SHOC2: variants seen among roughly 807,000 people sequenced by gnomAD.
SHOC2 encodes the protein leucine-rich repeat protein SHOC-2.
Under a neutral mutation model 50.2 loss-of-function variants are expected in SHOC2, and 4 were observed. The observed-to-expected ratio is 0.08, with a 90% CI of 0.04 to 0.18. SHOC2 has a LOEUF of 0.18. Ranked by LOEUF, SHOC2 falls within the 10% of genes least tolerant of loss-of-function variation. The probability of loss-of-function intolerance (pLI) is 1.00; values close to 1 mark genes in which losing one functional copy is unlikely to be tolerated. For missense variants in SHOC2, 388 were observed against 669.6 expected, an observed-to-expected ratio of 0.58 and a Z score of 4.64; for synonymous variants, 218 against 244.5, an observed-to-expected ratio of 0.89 and a Z score of 1.01.
At position 110,996,829 on chromosome 10, in the gene SHOC2, T is replaced by C. The variant is rs570923700; in HGVS notation, c.842-3586T>C. On this transcript the variant is annotated intron_variant, in intron 3 of 8. Transcript: ENST00000369452. ...AGAGTTCTGACAGTGGATAACTCAC[T>C]AAGTGTAAAAATGGACACAGACATG... is the stretch of plus-strand genomic sequence containing the variant. Among the ~76,000 whole-genome samples the C allele has an allele frequency of 3.3e-5, 5 of 152,274 alleles. No individual in the cohort carries two copies. In the South Asian group the frequency reaches 1.0e-3, roughly 32 times the overall value.
intron 5 of SHOC2, among the ~76,000 whole-genome samples, chr10:111,006,244 TAAC>T (rs1848464085): frequency 1.3e-5 from 2 of 152,260 alleles, no homozygotes; most frequent in Non-Finnish European, 2.9e-5. Context: ...ATTACATAGA[TAAC>T]AAGTTTAAAT....
chr10:110,936,604 T>TTTA, intron 1 of SHOC2: 1 of 761,842 alleles, frequency 1.3e-6, no homozygotes, highest in East Asian at 2.8e-5. Context: ...TTTTTTTTTT[T>TTTA]AACAGTCTTT....
chr10:110,933,817 AAAAC>A (rs1303492223), intron 1 of SHOC2, among the ~76,000 whole-genome samples: 4 of 152,202 alleles, frequency 2.6e-5, no homozygotes, highest in African/African-American at 4.8e-5. Flanking sequence ...CTGTCTCTAA[AAAAC>A]AAACAAAAGA....
At chr10:111,005,837 C>T (rs917957595) in intron 5 of SHOC2, among the ~76,000 whole-genome samples, 1 of 152,168 alleles carries the variant, frequency 6.6e-6, no homozygotes, top group Non-Finnish European at 1.5e-5. Context: ...CATGATGAAC[C>T]ATTTGAACAT....
At chr10:110,948,923 A>C (rs527396854) in intron 1 of SHOC2, among the ~76,000 whole-genome samples, 1 of 152,252 alleles carries the variant, frequency 6.6e-6, no homozygotes, top group African/African-American at 2.4e-5. Flanking sequence ...TTAAAACATT[A>C]TGAGAGATTT....
intron 1 of SHOC2, among the ~76,000 whole-genome samples, chr10:110,944,144 A>G (rs1454321640): frequency 1.3e-5 from 2 of 152,200 alleles, no homozygotes; most frequent in Non-Finnish European, 2.9e-5. Context: ...GAAATGTGAC[A>G]TGTTACAAAG....
At chr10:110,966,451 T>C (rs947613046) in intron 2 of SHOC2, among the ~76,000 whole-genome samples, 2 of 152,052 alleles carry the variant, frequency 1.3e-5, no homozygotes, top group African/African-American at 4.8e-5. Context: ...TTATAGGCAA[T>C]TGGAGAAATA....
chr10:110,954,940 T>G (rs1847429704), intron 1 of SHOC2, among the ~76,000 whole-genome samples: 1 of 152,114 alleles, frequency 6.6e-6, no homozygotes, highest in South Asian at 2.1e-4. Context: ...TGGTAAGAGG[T>G]AAGGTTGAAG....
At chr10:110,975,941 G>C (rs1307954853) in intron 2 of SHOC2, among the ~76,000 whole-genome samples, 1 of 149,992 alleles carries the variant, frequency 6.7e-6, no homozygotes, top group Admixed American at 6.6e-5. Flanking sequence ...ATGGAGTTTT[G>C]CTCTTGTTGC....
chr10:110,921,786 A>G (rs961651815), intron 1 of SHOC2, among the ~76,000 whole-genome samples: 2 of 152,038 alleles, frequency 1.3e-5, no homozygotes, highest in African/African-American at 4.8e-5. Context: ...CTGTTTTTTT[A>G]TATCCATTAA....
intron 8 of SHOC2, among the ~76,000 whole-genome samples, chr10:111,010,916 A>G (rs1342465451): frequency 6.6e-6 from 1 of 152,206 alleles, no homozygotes; most frequent in East Asian, 1.9e-4. Flanking sequence ...AATAAATGCC[A>G]CTGTGAAATA....
intron 2 of SHOC2, among the ~76,000 whole-genome samples, 153 bp downstream of exon 2, chr10:110,965,214 A>C (rs532291124): frequency 6.6e-6 from 1 of 152,164 alleles, no homozygotes; most frequent in Non-Finnish European, 1.5e-5. Context: ...CATTTTCAGC[A>C]CTGTTAATAG....
At position 110,964,884 on chromosome 10, in the gene SHOC2, T is replaced by G; in HGVS notation, c.526T>G (p.Leu176Val). ...CTTGAAGAAGCTGCGGATGCTTGAT[T>G]TACGGCATAATAAACTGAGAGAAAT... Reference protein sequence around the residue: ...DNLKKLRMLDLRHNKLREIPS... With the variant: ...DNLKKLRMLDVRHNKLREIPS... Residue 176 changes from leucine to valine, a missense_variant, in exon 2 of 9, where the codon TTA becomes GTA. Physicochemically the swap from Leu to Val is conservative, Grantham distance 32. This residue lies in a region of SHOC2 where 88 missense variants were observed against 147.2 expected (regional missense o/e 0.60). Transcript: ENST00000369452. The surrounding 1 kb of genome is among the most constrained non-coding windows in gnomAD (Gnocchi z 4.9). 6.2e-7 allele frequency: 1 copy of G among 1,614,046 alleles called. No individual in the cohort carries two copies. Among genetic ancestry groups the G allele is most frequent in the Non-Finnish European group, 8.5e-7 (1 of 1,179,974 alleles).
chr10:110,985,507 A>G (rs957100846), intron 2 of SHOC2, 121 bp from the exon 3 acceptor site: 10 of 690,430 alleles, frequency 1.4e-5, no homozygotes, highest in Non-Finnish European at 2.2e-5. Flanking sequence ...TGCCTATCTA[A>G]TAAGGTTATG....
chr10:110,965,863 A>G (rs1847664317), intron 2 of SHOC2, among the ~76,000 whole-genome samples: 2 of 152,146 alleles, frequency 1.3e-5, no homozygotes, highest in South Asian at 4.1e-4. Flanking sequence ...ATAGTAATCC[A>G]TTGACATCAG....
In SHOC2 at chr10:111,008,870, T is replaced by C. The variant is rs146346869; in HGVS notation, c.1285-378T>C. 3.2e-3 allele frequency among the ~76,000 whole-genome samples: 487 copies of C among 152,182 alleles called. 26 individuals carry two copies. In the South Asian group the frequency reaches 0.093, roughly 29 times the overall value. On this transcript the variant is annotated intron_variant, in intron 6 of 8. Coordinates refer to ENST00000369452, the MANE Select transcript of SHOC2 (RefSeq NM_007373.4). Reference sequence around the variant, plus strand: ...TAATAAGAACACCACAGATAATAAATAGAGTGGATTGATATAGCAAGTTTA... The same window carrying C: ...TAATAAGAACACCACAGATAATAAACAGAGTGGATTGATATAGCAAGTTTA...
At chr10:110,978,322 A>T (rs1308991412) in intron 2 of SHOC2, among the ~76,000 whole-genome samples, 1 of 152,190 alleles carries the variant, frequency 6.6e-6, no homozygotes, top group African/African-American at 2.4e-5. Flanking sequence ...ATAAATAGCT[A>T]ATACTGTAAC....
At chr10:110,948,455 C>T (rs1024399939) in intron 1 of SHOC2, among the ~76,000 whole-genome samples, 6 of 152,122 alleles carry the variant, frequency 3.9e-5, no homozygotes, top group Non-Finnish European at 7.4e-5. Flanking sequence ...TTTAAGTGCA[C>T]ATTGAACATT....
At chr10:110,924,317 A>G (rs1846713812) in intron 1 of SHOC2, among the ~76,000 whole-genome samples, 1 of 152,244 alleles carries the variant, frequency 6.6e-6, no homozygotes, top group Non-Finnish European at 1.5e-5. Context: ...TAACAGCAGT[A>G]TATACACTGG....
Sources: allele counts gnomAD v4.1 joint callset (sites outside exome capture counted in the v4.1 genomes callset), GRCh38; gene constraint gnomAD v4.1.1; regional missense constraint gnomAD v4.1.1; non-coding constraint Gnocchi (gnomAD v3.1); transcripts MANE v1.5; gene names NCBI Gene and HGNC (gene_info 2026-07-23, HGNC 2026-07-21).